The following NOL4L variants were observed in gnomAD, a reference collection of about 807,000 sequenced individuals.
NOL4L encodes the protein nucleolar protein 4 like, also known as nucleolar protein 4-like.
NOL4L carries 7 observed loss-of-function variants against 64.5 expected under a neutral mutation model. The observed-to-expected ratio is 0.11, with a 90% CI of 0.06 to 0.20. The LOEUF (loss-of-function observed/expected upper bound fraction) is 0.20, where lower values mean the gene tolerates loss of function less well. NOL4L is among the 10% of genes least tolerant of loss of function. NOL4L has a pLI of 1.00. For synonymous variants in NOL4L, 413 were observed against 401.0 expected, an observed-to-expected ratio of 1.03 and a Z score of -0.36; for missense variants, 680 against 967.1, an observed-to-expected ratio of 0.70 and a Z score of 3.94.
intron 4 of NOL4L, among the ~76,000 whole-genome samples, chr20:32,503,413 T>C (rs1322241322): frequency 6.6e-6 from 1 of 151,908 alleles, no homozygotes; most frequent in East Asian, 1.9e-4. Flanking sequence ...TGAAGACAGT[T>C]GGTGGGATGG....
At chr20:32,574,212 C>T (rs920544190) in intron 1 of NOL4L, among the ~76,000 whole-genome samples, 3 of 152,258 alleles carry the variant, frequency 2.0e-5, no homozygotes, top group Non-Finnish European at 4.4e-5. Context: ...TGGCTCTGCC[C>T]AGTCAAGAGC....
rs6058709 is a variant in NOL4L at position 32,467,957 on chromosome 20, C to T, written c.841+6644G>A. On this transcript the variant is annotated intron_variant, in intron 5 of 10. Coordinates refer to ENST00000621426, the MANE Select transcript of NOL4L (RefSeq NM_001256798.2). ...GAAACACACCTGCTCCCCAGAGACC[C>T]GCCCTGCTGCCCAGTTTGCATTTCT... is the stretch of plus-strand genomic sequence containing the variant. Among the ~76,000 whole-genome samples, 296 of 152,320 alleles carry T rather than the reference C, an allele frequency of 1.9e-3. 1 individual carries two copies. The highest frequency in any genetic ancestry group is 6.9e-3 in the African/African-American group (288 of 41,574).
chr20:32,510,038 C>T, intron 4 of NOL4L: 2 of 959,048 alleles, frequency 2.1e-6, no homozygotes, highest in Non-Finnish European at 3.0e-6. Context: ...TAACCAACAA[C>T]AAAAGCAACA....
At chr20:32,455,380 C>T (rs550286197) in intron 6 of NOL4L, among the ~76,000 whole-genome samples, 11 of 152,342 alleles carry the variant, frequency 7.2e-5, no homozygotes, top group South Asian at 2.1e-4. Context: ...AATGTCCCCA[C>T]GAGACATTCC....
At chr20:32,510,006 G>T in intron 4 of NOL4L, 2 of 1,181,120 alleles carry the variant, frequency 1.7e-6, no homozygotes, top group Non-Finnish European at 2.3e-6. Context: ...TGCAGAGGCT[G>T]CACAGTGGTG....
rs1364189788 is a variant in NOL4L, at chr20:32,475,834, T to A, written c.700-1092A>T. Among the ~76,000 whole-genome samples the A allele has an allele frequency of 3.3e-5, 5 of 152,190 alleles. No individual in the cohort carries two copies. In the East Asian group the frequency reaches 9.6e-4, roughly 29 times the overall value. Reference sequence around the variant, plus strand: ...AAACACACTTTGGTTGGAACTTTCTTAGACTGCTGTCCCTGAGGCAGACAC... The same window carrying A: ...AAACACACTTTGGTTGGAACTTTCTAAGACTGCTGTCCCTGAGGCAGACAC... On this transcript the variant is annotated intron_variant, in intron 4 of 10. Transcript: ENST00000621426.
chr20:32,582,508 G>A (rs1474107950), intron 1 of NOL4L, among the ~76,000 whole-genome samples: 1 of 152,150 alleles, frequency 6.6e-6, no homozygotes, highest in Non-Finnish European at 1.5e-5. Flanking sequence ...ATAAAGAGTG[G>A]ACGACTGCTC....
chr20:32,478,670 G>A (rs1411029726), intron 4 of NOL4L, among the ~76,000 whole-genome samples: 1 of 152,182 alleles, frequency 6.6e-6, no homozygotes, highest in Non-Finnish European at 1.5e-5. Context: ...TGGTGCAATA[G>A]TGGCTAACTA....
chr20:32,475,076 C>T, intron 4 of NOL4L: 3 of 985,474 alleles, frequency 3.0e-6, no homozygotes, highest in Non-Finnish European at 3.6e-6. Flanking sequence ...ACAAGGGCTG[C>T]CGCTCCCTGC....
At chr20:32,455,527 C>CACT (rs1312355754) in intron 6 of NOL4L, among the ~76,000 whole-genome samples, 1 of 152,174 alleles carries the variant, frequency 6.6e-6, no homozygotes, top group Non-Finnish European at 1.5e-5. Flanking sequence ...GGAGAAGAGG[C>CACT]ACTACTACAG....
chr20:32,536,644 A>G (rs2018536947), intron 1 of NOL4L, among the ~76,000 whole-genome samples: 1 of 149,388 alleles, frequency 6.7e-6, no homozygotes, highest in African/African-American at 2.4e-5. Flanking sequence ...AATGAGAGTA[A>G]CCATGGCAAC....
rs192680983 is a variant in NOL4L, at chr20:32,455,617, G to T, written c.1119+501C>A. ...GCAGGGGGGATGCCCACTGGTAGGG[G>T]TACGTACTGTGCCCACCCTTACCAC... On this transcript the variant is annotated intron_variant, in intron 6 of 10. Transcript: ENST00000621426. 3.3e-3 allele frequency among the ~76,000 whole-genome samples: 496 copies of T among 152,276 alleles called. 1 individual carries two copies. Among genetic ancestry groups the T allele is most frequent in the Non-Finnish European group, 5.4e-3 (366 of 68,022 alleles).
chr20:32,583,585 G>A (rs1166995007), intron 1 of NOL4L, among the ~76,000 whole-genome samples: 1 of 149,972 alleles, frequency 6.7e-6, no homozygotes, highest in East Asian at 2.0e-4. Context: ...GGGGCGGAAC[G>A]CACTAATGGA....
intron 1 of NOL4L, among the ~76,000 whole-genome samples, chr20:32,530,739 T>C (rs2018316517): frequency 6.6e-6 from 1 of 152,072 alleles, no homozygotes; most frequent in Admixed American, 6.5e-5. Context: ...CTGACCAACA[T>C]GGAGAAACCC....
intron 4 of NOL4L, chr20:32,483,346 G>A (rs1023045457): frequency 1.0e-6 from 1 of 983,550 alleles, no homozygotes; most frequent in Non-Finnish European, 1.2e-6. Context: ...GCCGGGATCC[G>A]GGCCGGACTC....
intron 4 of NOL4L, among the ~76,000 whole-genome samples, chr20:32,476,037 C>A (rs1250776221): frequency 1.3e-5 from 2 of 152,066 alleles, no homozygotes; most frequent in East Asian, 1.9e-4. Context: ...ACACCCAGGG[C>A]CTCGGGGGAT....
chr20:32,497,235 G>C (rs946085441), intron 4 of NOL4L, among the ~76,000 whole-genome samples: 5 of 144,210 alleles, frequency 3.5e-5, no homozygotes, highest in African/African-American at 1.0e-4. Context: ...CAAAGCCCTG[G>C]CCCACCCACC....
At chr20:32,545,030 A>C (rs971297185) in intron 1 of NOL4L, among the ~76,000 whole-genome samples, 2 of 152,206 alleles carry the variant, frequency 1.3e-5, no homozygotes, top group Non-Finnish European at 2.9e-5. Flanking sequence ...GGTCCTAAGC[A>C]GGAGGTCTCA....
intron 10 of NOL4L, among the ~76,000 whole-genome samples, chr20:32,451,031 G>A (rs1600623781): frequency 6.6e-6 from 1 of 152,122 alleles, no homozygotes; most frequent in African/African-American, 2.4e-5. Flanking sequence ...TGGGCTTCCT[G>A]CCATGGGTGG....
Sources: gnomAD v4.1 joint callset for allele counts (sites outside exome capture counted in the v4.1 genomes callset) on GRCh38, gnomAD v4.1.1 for gene constraint, MANE v1.5 for transcripts, NCBI Gene and HGNC (gene_info 2026-07-23, HGNC 2026-07-21) for gene names.